TXNDC11: variants seen among roughly 807,000 people sequenced by gnomAD.
TXNDC11 encodes thioredoxin domain containing 11, also known as thioredoxin domain-containing protein 11.
A neutral mutation model predicts 78.0 loss-of-function variants in TXNDC11; 68 were observed. The ratio of observed to expected loss-of-function variants is 0.87; its 90% CI spans 0.72 to 1.07. TXNDC11 has a LOEUF of 1.07. Among genes scored for constraint, TXNDC11 ranks in the 50% least tolerant of loss-of-function variants. The pLI is 0.00. For synonymous variants in TXNDC11, 571 were observed against 495.2 expected, an observed-to-expected ratio of 1.15 and a Z score of -2.03; for missense variants, 1,389 against 1,221.8, an observed-to-expected ratio of 1.14 and a Z score of -2.04.
chr16:11,721,625 G>A lies in TXNDC11; in HGVS notation c.745C>T (p.Pro249Ser). 1.9e-6 allele frequency: 3 copies of A among 1,612,706 alleles called. No homozygotes were observed. Among genetic ancestry groups the A allele is most frequent in the Non-Finnish European group, 8.5e-7 (1 of 1,179,188 alleles). The change falls in exon 5 of 12, where the codon CCT becomes TCT. Residue 249 changes from proline (P) to serine (S), a missense_variant. Physicochemically the swap from Pro to Ser is moderately conservative, Grantham distance 74 (BLOSUM62 -1). Coordinates refer to ENST00000283033, the MANE Select transcript of TXNDC11 (RefSeq NM_015914.7). ...GAGGTGAAGAAGGTCAAATAACCAG[G>A]AGGCTGGGGTGAGCCACTGAACTCA... Reference protein sequence around the residue: ...YFEFSGSPQPPGYLTFFTSAL... With the variant: ...YFEFSGSPQPSGYLTFFTSAL...
chr16:11,715,836 CA>C (rs2051512887), intron 5 of TXNDC11, among the ~76,000 whole-genome samples: 1 of 152,150 alleles, frequency 6.6e-6, no homozygotes, highest in Non-Finnish European at 1.5e-5. Flanking sequence ...GCCTGCTGGT[CA>C]GTCAATGACA....
intron 2 of TXNDC11, 103 bp downstream of exon 2, chr16:11,735,914 C>A: frequency 8.9e-7 from 1 of 1,128,252 alleles, no homozygotes; most frequent in Middle Eastern, 2.9e-4. Context: ...TGGAGTTCAC[C>A]TTGGCAAAGT....
intron 11 of TXNDC11, among the ~76,000 whole-genome samples, chr16:11,681,299 G>A (rs1336054368): frequency 1.3e-5 from 2 of 152,232 alleles, no homozygotes; most frequent in Non-Finnish European, 2.9e-5. Flanking sequence ...GGTCTTGTAA[G>A]GCAGAGTAAA....
chr16:11,730,952 A>G (rs555727000), intron 3 of TXNDC11, among the ~76,000 whole-genome samples, 178 bp from the exon 4 acceptor site: 81 of 152,324 alleles, frequency 5.3e-4, no homozygotes, highest in Middle Eastern at 3.4e-3. Context: ...AGAATTAAGA[A>G]CAAGCATTTT....
At chr16:11,692,920 T>C (rs746431884) in intron 7 of TXNDC11, among the ~76,000 whole-genome samples, 3 of 152,098 alleles carry the variant, frequency 2.0e-5, no homozygotes, top group Non-Finnish European at 4.4e-5. Context: ...GGCTCCTCCA[T>C]CTGTTCCCAA....
chr16:11,723,418 C>G (rs139328418), intron 4 of TXNDC11, among the ~76,000 whole-genome samples: 313 of 152,080 alleles, frequency 2.1e-3, no homozygotes, highest in Non-Finnish European at 3.7e-3. Flanking sequence ...AACCCTGTCT[C>G]TACTGAAAAT....
chr16:11,734,991 G>A (rs1228723197), intron 2 of TXNDC11, among the ~76,000 whole-genome samples: 3 of 152,150 alleles, frequency 2.0e-5, no homozygotes, highest in African/African-American at 7.2e-5. Context: ...CATTCCAGAG[G>A]AGTTCAAAAC....
intron 4 of TXNDC11, among the ~76,000 whole-genome samples, chr16:11,726,988 G>T (rs1037250922): frequency 5.9e-5 from 9 of 152,174 alleles, no homozygotes; most frequent in African/African-American, 1.9e-4. Context: ...AGGAGGTGGA[G>T]GTTGCGGTGA....
At chr16:11,711,776 G>A (rs901840954) in intron 5 of TXNDC11, among the ~76,000 whole-genome samples, 3 of 152,136 alleles carry the variant, frequency 2.0e-5, no homozygotes, top group Non-Finnish European at 4.4e-5. Flanking sequence ...CACTAACCCT[G>A]AGCCAGTTAG....
chr16:11,681,979 A>G (rs1033426670), intron 11 of TXNDC11, among the ~76,000 whole-genome samples: 1 of 152,244 alleles, frequency 6.6e-6, no homozygotes, highest in African/African-American at 2.4e-5. Context: ...ACTCCTCTGA[A>G]GTCATCAATG....
chr16:11,739,616 T>C (rs1322450876), intron 1 of TXNDC11, among the ~76,000 whole-genome samples: 3 of 151,996 alleles, frequency 2.0e-5, no homozygotes, highest in Admixed American at 6.6e-5. Flanking sequence ...AGCTTTGAAA[T>C]TACAAAATGG....
chr16:11,720,503 C>T (rs2141085949), intron 5 of TXNDC11, among the ~76,000 whole-genome samples: 1 of 150,600 alleles, frequency 6.6e-6, no homozygotes, highest in Non-Finnish European at 1.5e-5. Context: ...GCAACCTCCG[C>T]CTCCCGGGTT....
rs1379433239 is a variant in TXNDC11 at position 11,700,391 on chromosome 16, T to G, written c.906+61A>C. On this transcript the variant is annotated intron_variant, in intron 6 of 11. Coordinates refer to ENST00000283033, the MANE Select transcript of TXNDC11 (RefSeq NM_015914.7). ...ATTTTAACCAATTCTCAAAGGAGTCTGTGACCTAAACAAGGTTAAGAACCA... is the reference window on the plus strand; with the variant it reads ...ATTTTAACCAATTCTCAAAGGAGTCGGTGACCTAAACAAGGTTAAGAACCA... The G allele has an allele frequency of 7.9e-6, 6 of 758,744 alleles. No individual in the cohort carries two copies. In the East Asian group the frequency reaches 1.3e-4, roughly 16 times the overall value. The allele number at this position is 758,744 out of a possible 1,614,324, so 47.0% of individuals were successfully genotyped here.
intron 7 of TXNDC11, among the ~76,000 whole-genome samples, chr16:11,694,679 C>G (rs2050813210): frequency 6.6e-6 from 1 of 152,172 alleles, no homozygotes; most frequent in Admixed American, 6.5e-5. Flanking sequence ...AATTCCTGAT[C>G]TCAGGTGATG....
intron 5 of TXNDC11, among the ~76,000 whole-genome samples, chr16:11,705,300 CTGTTT>C (rs1205325686): frequency 6.6e-6 from 1 of 152,204 alleles, no homozygotes; most frequent in African/African-American, 2.4e-5. Context: ...ATGGAACTCT[CTGTTT>C]TATTTTTGCA....
Position 11,698,228 on chromosome 16 carries a change from C to T in TXNDC11, c.1004G>A (p.Gly335Glu). Residue 335 changes from glycine to glutamate, a missense_variant, in exon 7 of 12, where the codon GGA becomes GAA. Transcript: ENST00000283033. The stretch of plus-strand genomic sequence containing the variant: ...GTTATTCAGCAGGAGACTCTTGCCT[C>T]CGTGTGGCCGCAGCCACCGAAAGAG... ...ETLFRWLRPHGGKSLLLNNEL... is the reference protein window; with the variant it reads ...ETLFRWLRPHEGKSLLLNNEL... 1.9e-6 allele frequency: 3 copies of T among 1,614,244 alleles called. No homozygotes were observed. Among genetic ancestry groups the T allele is most frequent in the Middle Eastern group, 1.6e-4 (1 of 6,062 alleles).
rs574964364 is a variant in TXNDC11, at chr16:11,687,950, T to G, written c.2060A>C (p.Tyr687Ser). The change falls in exon 10 of 12, where the codon TAT becomes TCT. Residue 687 changes from tyrosine (Y) to serine (S), a missense_variant. By Grantham distance (144) the Tyr-to-Ser change is moderately radical (BLOSUM62 -2). Transcript: ENST00000283033. ...VLQKQDVLLL[Y>S]YAPWCGFCPS... ...ACAGAAGCCGCACCACGGAGCGTAA[T>G]AGAGCAGGAGAACGTCCTGTGGGAA... 6.2e-7 allele frequency: 1 copy of G among 1,613,572 alleles called. No homozygotes were observed. Among genetic ancestry groups the G allele is most frequent in the Non-Finnish European group, 8.5e-7 (1 of 1,179,662 alleles).
At chr16:11,703,507 G>GAT (rs200902747) in intron 5 of TXNDC11, among the ~76,000 whole-genome samples, 2 of 107,684 alleles carry the variant, frequency 1.9e-5, no homozygotes, top group Non-Finnish European at 3.6e-5. Flanking sequence ...TAAGGCTTTT[G>GAT]ATACACACAC....
In TXNDC11 at chr16:11,734,050, C is replaced by G. The variant is rs1391606795; in HGVS notation, c.501G>C (p.Trp167Cys). ...QVLFVAINCW[W>C]NQGKCRKQKH... ...TCTGTTTTCTGCATTTCCCCTGGTT[C>G]CACCAACAGTTAATTGCCACAAACA... The change falls in exon 3 of 12, where the codon TGG becomes TGC. Residue 167 changes from tryptophan to cysteine, a missense_variant. Transcript: ENST00000283033. The G allele has an allele frequency of 1.2e-6, 2 of 1,602,478 alleles. No homozygotes were observed. The highest frequency in any genetic ancestry group is 1.7e-6 in the Non-Finnish European group (2 of 1,177,576).
Sources: gnomAD v4.1 joint callset for allele counts (sites outside exome capture counted in the v4.1 genomes callset) on GRCh38, gnomAD v4.1.1 for gene constraint, MANE v1.5 for transcripts, NCBI Gene and HGNC (gene_info 2026-07-23, HGNC 2026-07-21) for gene names.